ENO1: variants seen among roughly 807,000 people sequenced by gnomAD.
ENO1 encodes the protein alpha-enolase.
A neutral mutation model predicts 46.3 loss-of-function variants in ENO1; 33 were observed. The observed-to-expected ratio is 0.71, with a 90% confidence interval of 0.54 to 0.95. ENO1 has a LOEUF of 0.95. Among genes scored for constraint, ENO1 ranks in the 40% least tolerant of loss-of-function variants. The pLI is 0.00. For synonymous variants in ENO1, 220 were observed against 216.0 expected, an observed-to-expected ratio of 1.02 and a Z score of -0.16; for missense variants, 488 against 553.3, an observed-to-expected ratio of 0.88 and a Z score of 1.18.
At chr1:8,876,878 G>A (rs1642744607) in intron 1 of ENO1, among the ~76,000 whole-genome samples, 1 of 151,166 alleles carries the variant, frequency 6.6e-6, no homozygotes. Context: ...GAGTTTCGCT[G>A]TTGTCGCCCA....
intron 1 of ENO1, 65 bp from the exon 2 acceptor site, chr1:8,874,982 A>G (rs1642706645): frequency 3.6e-6 from 5 of 1,375,950 alleles, no homozygotes; most frequent in African/African-American, 2.9e-5. Flanking sequence ...TCACTCATTC[A>G]AGGAATCACT....
At chr1:8,875,958 T>C (rs1016042721) in intron 1 of ENO1, 1 of 152,150 alleles carries the variant, frequency 6.6e-6, no homozygotes, top group African/African-American at 2.4e-5. Flanking sequence ...AACGGGGTTT[T>C]ATAATTTGTA....
chr1:8,869,469 C>T (rs1249236221), intron 4 of ENO1, among the ~76,000 whole-genome samples: 1 of 152,138 alleles, frequency 6.6e-6, no homozygotes, highest in African/African-American at 2.4e-5. Context: ...CCTCCTTTTC[C>T]CTCGTGTACA....
intron 1 of ENO1, chr1:8,877,614 G>C (rs1642761456): frequency 6.6e-6 from 1 of 152,296 alleles, no homozygotes; most frequent in Non-Finnish European, 1.5e-5. Flanking sequence ...CCAGCACTTT[G>C]GGAGGCCGAG....
Position 8,863,852 on chromosome 1 carries a change from G to A in ENO1, c.1067+39C>T, listed in dbSNP as rs28999093. 2.1e-4 allele frequency: 340 copies of A among 1,608,798 alleles called. No homozygotes were observed. In the African/African-American group the frequency reaches 3.2e-3, roughly 15 times the overall value. On this transcript the variant is annotated intron_variant, in intron 9 of 11. Coordinates refer to ENST00000234590, the MANE Select transcript of ENO1 (RefSeq NM_001428.5). Reference sequence around the variant, plus strand: ...AGGGCCCTTTTCTGATTCACAAGCCGTAGCTGCGGGAAAGCTGCTCGCCTG... The same window carrying A: ...AGGGCCCTTTTCTGATTCACAAGCCATAGCTGCGGGAAAGCTGCTCGCCTG...
At chr1:8,865,937 A>G (rs1181798351) in intron 7 of ENO1, 6 of 330,626 alleles carry the variant, frequency 1.8e-5, no homozygotes, top group African/African-American at 1.1e-4. Flanking sequence ...TCCATGGCTA[A>G]GCTGCCCTGC....
At chr1:8,868,465 T>C (rs1490114462) in intron 4 of ENO1, among the ~76,000 whole-genome samples, 1 of 152,144 alleles carries the variant, frequency 6.6e-6, no homozygotes, top group African/African-American at 2.4e-5. Flanking sequence ...GGCTGAGCCC[T>C]TGAAAGGCAG....
At chr1:8,874,619 A>G (rs29000599) in intron 2 of ENO1, among the ~76,000 whole-genome samples, 97 of 151,230 alleles carry the variant, frequency 6.4e-4, no homozygotes, top group African/African-American at 2.3e-3. Context: ...AAAAGAAAAA[A>G]ATAAGCCGAG....
chr1:8,872,050 C>A (rs774967496), intron 2 of ENO1, 64 bp from the exon 3 acceptor site: 45 of 1,371,810 alleles, frequency 3.3e-5, no homozygotes, highest in Non-Finnish European at 4.6e-5. Context: ...AATCCCAAGT[C>A]CCCTCCCGCC....
At position 8,861,134 on chromosome 1, in the gene ENO1, G is replaced by C. The variant is rs1280812451; in HGVS notation, c.*226C>G. On this transcript the variant is annotated 3_prime_UTR_variant, in exon 12 of 12. Coordinates refer to ENST00000234590, the MANE Select transcript of ENO1 (RefSeq NM_001428.5). ...TGGAAAGTGAGGCGAGAAAAACAAT[G>C]ACTTGGGCCAATTACACGACTGCAA... The C allele has an allele frequency of 1.9e-6, 1 of 516,864 alleles. No homozygotes were observed. Among genetic ancestry groups the C allele is most frequent in the Non-Finnish European group, 3.5e-6 (1 of 289,524 alleles). The allele number at this position is 516,864 out of a possible 1,614,324, so 32.0% of individuals were successfully genotyped here. A position where few individuals can be genotyped will look rare whatever the true frequency, so the allele number is the denominator to read the frequency against.
In ENO1 at chr1:8,871,989, GGAT is replaced by G. The variant is rs538217902; in HGVS notation, c.86-6_86-4del. ...GGGCACAGCAGCTCTGAAGAGACCT[GGAT>G]GAGAGGAAAAAAGATGTAGTAGCAA... On this transcript the variant is annotated splice_region_variant and splice_polypyrimidine_tract_variant and intron_variant, in intron 2 of 11. Coordinates refer to ENST00000234590, the MANE Select transcript of ENO1 (RefSeq NM_001428.5). The G allele has an allele frequency of 3.3e-3, 5,323 of 1,613,508 alleles. 196 individuals carry two copies. In the South Asian group the frequency reaches 0.055, roughly 17 times the overall value.
chr1:8,862,595 G>A (rs565449610), intron 11 of ENO1, among the ~76,000 whole-genome samples: 3 of 152,186 alleles, frequency 2.0e-5, no homozygotes, highest in Non-Finnish European at 4.4e-5. Flanking sequence ...AAAGCTCTAA[G>A]AAAGTCATGC....
At position 8,874,880 on chromosome 1, in the gene ENO1, T is replaced by C. The variant is rs914752854; in HGVS notation, c.29A>G (p.Glu10Gly). 2 of 1,613,744 alleles carry C rather than the reference T, an allele frequency of 1.2e-6. No homozygotes were observed. The highest frequency in any genetic ancestry group is 1.7e-6 in the Non-Finnish European group (2 of 1,179,872). ...GGGATTCCCGCGAGAGTCAAAGATC[T>C]CCCTGGCATGGATCTTGAGAATAGA... is the stretch of plus-strand genomic sequence containing the variant. MSILKIHAR[E>G]IFDSRGNPTV... Residue 10 changes from glutamate (E) to glycine (G), a missense_variant, in exon 2 of 12, where the codon GAG (glutamate) becomes GGG (glycine). Coordinates refer to ENST00000234590, the MANE Select transcript of ENO1 (RefSeq NM_001428.5).
At chr1:8,862,699 G>A (rs541292648) in intron 11 of ENO1, among the ~76,000 whole-genome samples, 188 bp downstream of exon 11, 2 of 152,214 alleles carry the variant, frequency 1.3e-5, no homozygotes, top group Non-Finnish European at 2.9e-5. Context: ...GCAGTGGGTG[G>A]GTAGGGGGAG....
At chr1:8,873,536 A>C (rs1005315446) in intron 2 of ENO1, among the ~76,000 whole-genome samples, 2 of 152,220 alleles carry the variant, frequency 1.3e-5, no homozygotes, top group African/African-American at 4.8e-5. Context: ...CCCATTGACT[A>C]AGCAAACCAC....
chr1:8,861,337 C>CGAAGT lies in ENO1; in HGVS notation c.*22_*23insACTTC. ...GGGGTCTGTGTAGCCAACAGGTGAC[C>CGAAGT]GAAGGGCTTGCCTGCCCACAGCTTA... On this transcript the variant is annotated 3_prime_UTR_variant, in exon 12 of 12. Transcript: ENST00000234590. 6.2e-7 allele frequency: 1 copy of CGAAGT among 1,613,066 alleles called. No homozygotes were observed. Among genetic ancestry groups the CGAAGT allele is most frequent in the South Asian group, 1.1e-5 (1 of 91,010 alleles).
chr1:8,865,540 C>T (rs1420072184), intron 7 of ENO1, 58 bp from the exon 8 acceptor site: 3 of 1,534,352 alleles, frequency 2.0e-6, no homozygotes, highest in Admixed American at 3.5e-5. Flanking sequence ...GAAAACTTCC[C>T]TTCAACAGCT....
chr1:8,866,223 C>A, intron 7 of ENO1, 56 bp downstream of exon 7: 11 of 1,504,976 alleles, frequency 7.3e-6, no homozygotes, highest in South Asian at 1.1e-5. Flanking sequence ...GACCCCCCAA[C>A]AGAGGGAGCT....
rs748321467 is a variant in ENO1 at position 8,866,289 on chromosome 1, C to A, written c.657G>T (p.Glu219Asp). The A allele has an allele frequency of 6.2e-7, 1 of 1,613,906 alleles. No individual in the cohort carries two copies. Among genetic ancestry groups the A allele is most frequent in the East Asian group, 2.2e-5 (1 of 44,870 alleles). ...DEGGFAPNIL[E>D]NKEGLELLKT... ...CCCTAGCGCCTTTACCTTCTTTATT[C>A]TCCAGGATGTTGGGAGCAAACCCGC... The change falls in exon 7 of 12, where the codon GAG becomes GAT. Residue 219 changes from glutamate to aspartate, a missense_variant. Coordinates refer to ENST00000234590, the MANE Select transcript of ENO1 (RefSeq NM_001428.5).
Sources: allele counts gnomAD v4.1 joint callset (sites outside exome capture counted in the v4.1 genomes callset), GRCh38; gene constraint gnomAD v4.1.1; transcripts MANE v1.5; gene names NCBI Gene and HGNC (gene_info 2026-07-23, HGNC 2026-07-21).